The following ADAM12 variants were observed in gnomAD, a reference collection of about 807,000 sequenced individuals.
ADAM12 encodes disintegrin and metalloproteinase domain-containing protein 12.
In ADAM12, 70 loss-of-function variants were observed where a neutral mutation model predicts 106.4. The observed-to-expected ratio is 0.66, with a 90% CI of 0.54 to 0.80. ADAM12 has a LOEUF of 0.80. Ranked by LOEUF, ADAM12 falls within the 30% of genes least tolerant of loss-of-function variation. The pLI, the probability that ADAM12 is intolerant of heterozygous loss-of-function variation, is 0.00. For synonymous variants in ADAM12, 420 were observed against 433.5 expected, an observed-to-expected ratio of 0.97 and a Z score of 0.39; for missense variants, 1,010 against 1,171.9, an observed-to-expected ratio of 0.86 and a Z score of 2.02.
At chr10:126,116,843 A>C (rs932646670) in intron 6 of ADAM12, among the ~76,000 whole-genome samples, 1 of 152,168 alleles carries the variant, frequency 6.6e-6, no homozygotes, top group African/African-American at 2.4e-5. Context: ...GGGAATTCTA[A>C]GAATTAGAAG....
At chr10:126,037,279 G>T (rs780890866) in intron 20 of ADAM12, among the ~76,000 whole-genome samples, 13 of 116,840 alleles carry the variant, frequency 1.1e-4, no homozygotes, top group Admixed American at 3.4e-4. Flanking sequence ...CAAAAATAAG[G>T]CTGTGCTTTT....
intron 17 of ADAM12, among the ~76,000 whole-genome samples, chr10:126,045,051 C>A (rs1021868489): frequency 6.6e-6 from 1 of 152,160 alleles, no homozygotes; most frequent in Non-Finnish European, 1.5e-5. Flanking sequence ...CGGGCCTCTC[C>A]GCTCCCATGT....
At chr10:126,275,539 G>A (rs1387626641) in intron 3 of ADAM12, among the ~76,000 whole-genome samples, 1 of 152,194 alleles carries the variant, frequency 6.6e-6, no homozygotes, top group East Asian at 1.9e-4. Context: ...GGATTAATTA[G>A]ATGACTCTCA....
rs775530186 is a variant in ADAM12 at position 126,034,216 on chromosome 10, A to G, written c.2529+1930T>C. Among the ~76,000 whole-genome samples, 4 of 152,214 alleles carry G rather than the reference A, an allele frequency of 2.6e-5. No individual in the cohort carries two copies. In the South Asian group the frequency reaches 8.3e-4, roughly 32 times the overall value. ...TGTAATCTTTAGAGCAGTGGTTTTCAATCAAGGGAGGTTATGCCTTTCAGA... is the reference window on the plus strand; with the variant it reads ...TGTAATCTTTAGAGCAGTGGTTTTCGATCAAGGGAGGTTATGCCTTTCAGA... On this transcript the variant is annotated intron_variant, in intron 21 of 22. Transcript: ENST00000448723.
intron 1 of ADAM12, among the ~76,000 whole-genome samples, chr10:126,351,027 G>A (rs897928650): frequency 8.5e-5 from 13 of 152,136 alleles, no homozygotes; most frequent in East Asian, 5.8e-4. Context: ...TACCCATATC[G>A]GTCACATAGT....
At chr10:126,141,963 C>G (rs957329856) in intron 4 of ADAM12, among the ~76,000 whole-genome samples, 1 of 152,126 alleles carries the variant, frequency 6.6e-6, no homozygotes, top group Non-Finnish European at 1.5e-5. Context: ...TTTAGCCAGC[C>G]CCTTCCCTGA....
intron 3 of ADAM12, among the ~76,000 whole-genome samples, chr10:126,197,869 C>T (rs113157583): frequency 6.0e-4 from 91 of 152,250 alleles, no homozygotes; most frequent in African/African-American, 2.1e-3. Flanking sequence ...GCTTCACAGG[C>T]CTGAAAGCCC....
chr10:126,112,829 G>C (rs1159861885), intron 6 of ADAM12, among the ~76,000 whole-genome samples: 2 of 152,092 alleles, frequency 1.3e-5, no homozygotes, highest in Non-Finnish European at 2.9e-5. Context: ...CTGAAACCCA[G>C]TGTCCTCCTG....
intron 3 of ADAM12, among the ~76,000 whole-genome samples, chr10:126,197,106 A>G (rs1454760932): frequency 6.6e-6 from 1 of 152,168 alleles, no homozygotes; most frequent in Non-Finnish European, 1.5e-5. Flanking sequence ...CCTGAGATAA[A>G]GAAGACACGG....
intron 2 of ADAM12, among the ~76,000 whole-genome samples, chr10:126,298,854 A>G: frequency 6.6e-6 from 1 of 152,232 alleles, no homozygotes. Context: ...CAAAGAAACA[A>G]TTGTCACCTA....
chr10:126,355,223 C>T (rs368438015), intron 1 of ADAM12, among the ~76,000 whole-genome samples: 1 of 151,944 alleles, frequency 6.6e-6, no homozygotes, highest in Non-Finnish European at 1.5e-5. Flanking sequence ...AGAAATAAAA[C>T]CAGAAATGAC....
chr10:126,117,140 C>T (rs1306886013), intron 6 of ADAM12, among the ~76,000 whole-genome samples: 1 of 152,210 alleles, frequency 6.6e-6, no homozygotes, highest in Non-Finnish European at 1.5e-5. Flanking sequence ...TGTTTCTGCT[C>T]ATTTAAATTC....
chr10:126,082,363 G>GTTTTTTTTTTTTT lies in ADAM12; in HGVS notation c.1146-10722_1146-10710dup, dbSNP rs5788763. On this transcript the variant is annotated intron_variant, in intron 11 of 22. Transcript: ENST00000448723. ...CTCTGGAGAAGACAATCTAATGACT[G>GTTTTTTTTTTTTT]TTTTTTTTTTTTTTTTTTTTTTTTA... 7.4e-5 allele frequency among the ~76,000 whole-genome samples: 6 copies of GTTTTTTTTTTTTT among 80,780 alleles called. 1 individual carries two copies. Among genetic ancestry groups the GTTTTTTTTTTTTT allele is most frequent in the African/African-American group, 2.7e-4 (5 of 18,716 alleles). The allele number at this position is 80,780 out of a possible 152,430, so 53.0% of individuals were successfully genotyped here.
chr10:126,064,701 G>A lies in ADAM12; in HGVS notation c.1609+105C>T, dbSNP rs1226460359. ...ACACACCGGATGCTGTGTGGACAGC[G>A]CCCGCCAGGAGTGGGGGCTAACCAA... On this transcript the variant is annotated intron_variant, in intron 14 of 22. Coordinates refer to ENST00000448723, the MANE Select transcript of ADAM12 (RefSeq NM_001288973.2). This position sits in a 1 kb window ranked among gnomAD's most constrained non-coding sequence, Gnocchi z 4.4. 40 of 1,225,576 alleles carry A rather than the reference G, an allele frequency of 3.3e-5. No homozygotes were observed. The highest frequency in any genetic ancestry group is 4.3e-5 in the Admixed American group (2 of 46,222). 75.9% of individuals were successfully genotyped at this position (1,225,576 alleles called of 1,614,324 possible).
chr10:126,257,628 G>A (rs1328295024), intron 3 of ADAM12, among the ~76,000 whole-genome samples: 5 of 152,180 alleles, frequency 3.3e-5, no homozygotes, highest in South Asian at 4.1e-4. Flanking sequence ...TCACACAATC[G>A]CATAAAAATT....
At chr10:126,105,876 C>A (rs1359327627) in intron 8 of ADAM12, among the ~76,000 whole-genome samples, 1 of 152,218 alleles carries the variant, frequency 6.6e-6, no homozygotes, top group Non-Finnish European at 1.5e-5. Flanking sequence ...CATCAACAGG[C>A]AGGGGTTGCC....
intron 1 of ADAM12, among the ~76,000 whole-genome samples, chr10:126,368,549 T>C (rs1855996224): frequency 6.6e-6 from 1 of 152,082 alleles, no homozygotes; most frequent in Non-Finnish European, 1.5e-5. Context: ...ACTGAAACTA[T>C]CCATTGTGGA....
intron 3 of ADAM12, among the ~76,000 whole-genome samples, chr10:126,164,236 G>A (rs944527744): frequency 1.3e-5 from 2 of 152,138 alleles, no homozygotes; most frequent in African/African-American, 2.4e-5. Flanking sequence ...TAATTATTCT[G>A]TACAGCATAT....
At chr10:126,036,421 G>T in intron 20 of ADAM12, 96 bp from the exon 21 acceptor site, 1 of 1,246,692 alleles carries the variant, frequency 8.0e-7, no homozygotes, top group Non-Finnish European at 1.1e-6. Context: ...TGTTATAGCT[G>T]AAGGCCAAGG....
Sources: gnomAD v4.1 joint callset for allele counts (sites outside exome capture counted in the v4.1 genomes callset) on GRCh38, gnomAD v4.1.1 for gene constraint, Gnocchi (gnomAD v3.1) non-coding constraint, MANE v1.5 for transcripts, NCBI Gene and HGNC (gene_info 2026-07-23, HGNC 2026-07-21) for gene names.